ELMO1: variants seen among roughly 807,000 people sequenced by gnomAD.
The protein encoded by ELMO1 is engulfment and cell motility 1.
Under a neutral mutation model 98.9 loss-of-function variants are expected in ELMO1, and 26 were observed. The ratio of observed to expected loss-of-function variants is 0.26; its 90% CI spans 0.19 to 0.36. ELMO1 has a LOEUF of 0.36. ELMO1 is among the 10% of genes least tolerant of loss of function. The pLI is 1.00. For synonymous variants in ELMO1, 346 were observed against 346.0 expected (o/e 1.00, Z 0.00); for missense variants, 627 against 935.2 (o/e 0.67, Z 4.30).
chr7:37,123,824 G>A (rs568454345), intron 14 of ELMO1, among the ~76,000 whole-genome samples: 14 of 152,256 alleles, frequency 9.2e-5, no homozygotes, highest in African/African-American at 7.2e-5. Context: ...GCCTGGCAGA[G>A]ACACAACAAA....
At chr7:37,286,351 C>T (rs1408996811) in intron 4 of ELMO1, among the ~76,000 whole-genome samples, 1 of 152,222 alleles carries the variant, frequency 6.6e-6, no homozygotes, top group African/African-American at 2.4e-5. Context: ...TGATCCAAAA[C>T]TTGGCTTCAC....
At chr7:37,407,454 G>A (rs1023805287) in intron 1 of ELMO1, among the ~76,000 whole-genome samples, 1 of 150,502 alleles carries the variant, frequency 6.6e-6, no homozygotes, top group African/African-American at 2.5e-5. Flanking sequence ...GTTGCAGTGA[G>A]CTGAGACTGC....
chr7:37,048,646 G>A (rs1047824052), intron 15 of ELMO1, among the ~76,000 whole-genome samples: 4 of 152,162 alleles, frequency 2.6e-5, no homozygotes, highest in Non-Finnish European at 5.9e-5. Context: ...ATGTATATTT[G>A]AGCGTTCTCA....
chr7:37,356,973 T>G (rs776044024), intron 1 of ELMO1, among the ~76,000 whole-genome samples: 10 of 152,006 alleles, frequency 6.6e-5, no homozygotes, highest in Non-Finnish European at 1.3e-4. Context: ...AGACCCTCTT[T>G]CCAGAGGAGT....
At chr7:36,995,347 G>C (rs536168284) in intron 16 of ELMO1, among the ~76,000 whole-genome samples, 3 of 152,116 alleles carry the variant, frequency 2.0e-5, no homozygotes, top group Admixed American at 2.0e-4. Flanking sequence ...GTTTCTACTA[G>C]AAGTACAAAA....
chr7:37,311,946 T>C (rs1360664191), intron 4 of ELMO1, among the ~76,000 whole-genome samples: 1 of 152,192 alleles, frequency 6.6e-6, no homozygotes, highest in African/African-American at 2.4e-5. Context: ...AAAATAATAA[T>C]TTCCTCCATT....
chr7:37,376,992 G>A lies in ELMO1; in HGVS notation c.-73-34229C>T, dbSNP rs536222222. On this transcript the variant is annotated intron_variant, in intron 1 of 21. Transcript: ENST00000310758. ...GAGTTATATCCTGTTAAGTTGAAAA[G>A]ATCATAAGTGAAATATGCATGTAAT... Among the ~76,000 whole-genome samples, 13 of 152,132 alleles carry A rather than the reference G, an allele frequency of 8.5e-5. No homozygotes were observed. The South Asian group carries it at 2.5e-3, about 29-fold the overall frequency.
chr7:37,306,013 G>A (rs1398525957), intron 4 of ELMO1, among the ~76,000 whole-genome samples: 2 of 152,176 alleles, frequency 1.3e-5, no homozygotes, highest in African/African-American at 4.8e-5. Flanking sequence ...CCAAAAGTGG[G>A]GCTACAGTTA....
chr7:37,013,368 G>A lies in ELMO1; in HGVS notation c.1368C>T (p.Phe456=), dbSNP rs1234839056. 3 of 1,613,980 alleles carry A rather than the reference G, an allele frequency of 1.9e-6. No homozygotes were observed. The African/African-American group carries it at 4.0e-5, about 22-fold the overall frequency. ...TGTTCAGGAGCTGGATACAGATGCAGAAAAACTCCTCAAAGGATCTGTCGT... is the reference window on the plus strand; with the variant it reads ...TGTTCAGGAGCTGGATACAGATGCAAAAAAACTCCTCAAAGGATCTGTCGT... ...FTHDRSFEEF[F]CICIQLLNKT... Residue 456 remains phenylalanine (F), a synonymous_variant, in exon 16 of 22, where the codon TTC becomes TTT. Coordinates refer to ENST00000310758, the MANE Select transcript of ELMO1 (RefSeq NM_014800.11).
At chr7:37,071,928 T>C (rs549500764) in intron 15 of ELMO1, among the ~76,000 whole-genome samples, 3 of 151,978 alleles carry the variant, frequency 2.0e-5, no homozygotes, top group Admixed American at 2.0e-4. Flanking sequence ...ACAATATATA[T>C]AATATTAGTA....
At chr7:37,225,761 G>T (rs183712680) in intron 8 of ELMO1, among the ~76,000 whole-genome samples, 2 of 152,024 alleles carry the variant, frequency 1.3e-5, no homozygotes, top group African/African-American at 2.4e-5. Context: ...CAATGTGAGC[G>T]GAAAATAAAA....
At chr7:37,338,306 C>CA (rs1333148053) in intron 2 of ELMO1, among the ~76,000 whole-genome samples, 1 of 152,122 alleles carries the variant, frequency 6.6e-6, no homozygotes, top group African/African-American at 2.4e-5. Flanking sequence ...TGTGTCTCCC[C>CA]AAAATTCATC....
chr7:37,031,394 T>G (rs1358470888), intron 15 of ELMO1, among the ~76,000 whole-genome samples: 1 of 152,088 alleles, frequency 6.6e-6, no homozygotes, highest in Non-Finnish European at 1.5e-5. Flanking sequence ...TTTGAGAAAA[T>G]AAGACAATAA....
At chr7:37,298,303 A>C (rs976777483) in intron 4 of ELMO1, among the ~76,000 whole-genome samples, 1 of 31,256 alleles carries the variant, frequency 3.2e-5, no homozygotes, top group African/African-American at 8.9e-5. Flanking sequence ...TTTTTTTAAG[A>C]GTTTTTTTTT....
At chr7:37,052,537 A>C (rs1428317567) in intron 15 of ELMO1, among the ~76,000 whole-genome samples, 2 of 152,200 alleles carry the variant, frequency 1.3e-5, no homozygotes, top group African/African-American at 4.8e-5. Context: ...GATTCAATGA[A>C]TGTATACCAT....
At chr7:36,947,094 A>G (rs529678559) in intron 16 of ELMO1, among the ~76,000 whole-genome samples, 1 of 152,312 alleles carries the variant, frequency 6.6e-6, no homozygotes, top group South Asian at 2.1e-4. Context: ...ACAGTACCCA[A>G]TAGGTAGTTT....
chr7:37,231,767 T>C (rs531054260), intron 8 of ELMO1, among the ~76,000 whole-genome samples: 1 of 152,162 alleles, frequency 6.6e-6, no homozygotes, highest in Non-Finnish European at 1.5e-5. Flanking sequence ...AGCTTATTTA[T>C]CAATTTTGAT....
chr7:36,970,104 T>C (rs1789787034), intron 16 of ELMO1, among the ~76,000 whole-genome samples: 1 of 151,826 alleles, frequency 6.6e-6, no homozygotes, highest in African/African-American at 2.4e-5. Context: ...CTTGATAGCA[T>C]TGTATTCATT....
At chr7:37,036,316 C>T (rs1387284252) in intron 15 of ELMO1, among the ~76,000 whole-genome samples, 4 of 152,082 alleles carry the variant, frequency 2.6e-5, no homozygotes, top group Non-Finnish European at 5.9e-5. Flanking sequence ...CATGTGTATA[C>T]AAAGTACCTT....
Sources: allele counts gnomAD v4.1 joint callset (sites outside exome capture counted in the v4.1 genomes callset), GRCh38; gene constraint gnomAD v4.1.1; transcripts MANE v1.5; gene names NCBI Gene and HGNC (gene_info 2026-07-23, HGNC 2026-07-21).